Variants in GRID2 observed in about 807,000 individuals in gnomAD.
GRID2 encodes glutamate receptor ionotropic, delta-2.
GRID2 carries 33 observed loss-of-function variants against 114.8 expected under a neutral mutation model. The ratio of observed to expected loss-of-function variants is 0.29; its 90% confidence interval spans 0.22 to 0.38. The LOEUF (loss-of-function observed/expected upper bound fraction) is 0.38. Among genes scored for constraint, GRID2 ranks in the 10% least tolerant of loss-of-function variants. The pLI, the probability that GRID2 is intolerant of heterozygous loss-of-function variation, is 1.00. For synonymous variants in GRID2, 505 were observed against 449.9 expected (o/e 1.12, Z -1.55); for missense variants, 1,184 against 1,257.7 (o/e 0.94, Z 0.89).
At chr4:92,760,830 C>T (rs1012883826) in intron 2 of GRID2, among the ~76,000 whole-genome samples, 2 of 152,092 alleles carry the variant, frequency 1.3e-5, no homozygotes, top group South Asian at 2.1e-4. Context: ...TTTATTTGTT[C>T]TTTAAAAATA....
intron 2 of GRID2, among the ~76,000 whole-genome samples, chr4:92,916,294 A>G (rs530263932): frequency 1.3e-5 from 2 of 152,124 alleles, no homozygotes; most frequent in Non-Finnish European, 2.9e-5. Flanking sequence ...ATGGCTAGCC[A>G]GTTATCCCAA....
At chr4:92,825,336 A>G (rs976448963) in intron 2 of GRID2, among the ~76,000 whole-genome samples, 6 of 152,158 alleles carry the variant, frequency 3.9e-5, no homozygotes, top group South Asian at 2.1e-4. Context: ...TTCAGCCCCT[A>G]CTAAAACTCT....
rs1158448026 is a variant in GRID2 at position 92,667,496 on chromosome 4, T to C, written c.244+77210T>C. On this transcript the variant is annotated intron_variant, in intron 2 of 15. Transcript: ENST00000282020. ...CACATTATTTTTAATTTAAAGATAA[T>C]GACTACATTTACTATTTTCTGTTCA... 2.0e-5 allele frequency among the ~76,000 whole-genome samples: 3 copies of C among 151,788 alleles called. No homozygotes were observed. The East Asian group carries it at 5.8e-4, about 29-fold the overall frequency.
rs981167515 is a variant in GRID2, at chr4:93,025,552, A to G, written c.245-59443A>G. 2.6e-5 allele frequency among the ~76,000 whole-genome samples: 4 copies of G among 151,798 alleles called. No homozygotes were observed. In the South Asian group the frequency reaches 6.2e-4, roughly 24 times the overall value. ...GCTTAAAATGGATTTAAGCCAGGCA[A>G]TATGAGAGAATTTTTATGTAGATTA... On this transcript the variant is annotated intron_variant, in intron 2 of 15. Transcript: ENST00000282020.
chr4:93,121,082 ACT>A (rs1733740793), intron 4 of GRID2, among the ~76,000 whole-genome samples: 1 of 152,172 alleles, frequency 6.6e-6, no homozygotes, highest in African/African-American at 2.4e-5. Context: ...GTATCCCAGA[ACT>A]TAAAGTATAA....
intron 2 of GRID2, among the ~76,000 whole-genome samples, chr4:92,754,566 T>G (rs936161440): frequency 1.3e-5 from 2 of 152,174 alleles, no homozygotes; most frequent in South Asian, 4.1e-4. Context: ...GTTGTGGGGA[T>G]TAAATGAATT....
intron 14 of GRID2, among the ~76,000 whole-genome samples, chr4:93,696,014 C>T (rs1036640): frequency 0.44 from 66,393 of 152,078 alleles, 14,924 homozygotes; most frequent in East Asian, 0.72. Context: ...TCACAAAGAA[C>T]GTATTTACAC....
intron 8 of GRID2, among the ~76,000 whole-genome samples, chr4:93,322,308 G>A (rs892013395): frequency 2.0e-5 from 3 of 151,972 alleles, no homozygotes; most frequent in Non-Finnish European, 4.4e-5. Context: ...TTGGTTTTCT[G>A]TCCTTGCAAT....
chr4:93,604,974 A>G (rs2149648763), intron 13 of GRID2, among the ~76,000 whole-genome samples: 1 of 152,304 alleles, frequency 6.6e-6, no homozygotes, highest in Non-Finnish European at 1.5e-5. Context: ...ATTTGTTTTA[A>G]TGCTGTGGTC....
At chr4:93,189,476 A>G (rs1363207860) in intron 4 of GRID2, among the ~76,000 whole-genome samples, 2 of 152,132 alleles carry the variant, frequency 1.3e-5, no homozygotes, top group Non-Finnish European at 2.9e-5. Context: ...CCCATCTTCT[A>G]ATACCAGCAC....
intron 8 of GRID2, among the ~76,000 whole-genome samples, chr4:93,324,548 C>T (rs1579680660): frequency 6.6e-6 from 1 of 152,264 alleles, no homozygotes; most frequent in East Asian, 1.9e-4. Flanking sequence ...ATGCTGGCCT[C>T]ATAAAATGAG....
chr4:92,982,234 G>T (rs773097488), intron 2 of GRID2, among the ~76,000 whole-genome samples: 1 of 151,888 alleles, frequency 6.6e-6, no homozygotes, highest in Non-Finnish European at 1.5e-5. Context: ...ATTCAGAGTT[G>T]TCTACAGTAA....
intron 1 of GRID2, among the ~76,000 whole-genome samples, chr4:92,447,954 C>T (rs1029095546): frequency 2.6e-5 from 4 of 152,244 alleles, no homozygotes; most frequent in African/African-American, 7.2e-5. Flanking sequence ...TGCTGACTAG[C>T]TGAAGTGCTT....
intron 1 of GRID2, among the ~76,000 whole-genome samples, chr4:92,506,226 C>T (rs1560676914): frequency 2.6e-5 from 4 of 152,048 alleles, no homozygotes; most frequent in South Asian, 4.2e-4. Flanking sequence ...AGGCAACCAG[C>T]TTGATGCCAG....
At chr4:93,725,680 T>G (rs1235518792) in intron 14 of GRID2, among the ~76,000 whole-genome samples, 1 of 150,560 alleles carries the variant, frequency 6.6e-6, no homozygotes, top group Non-Finnish European at 1.5e-5. Flanking sequence ...CCATTCTAAC[T>G]GGTGTGAGAT....
rs190775871 is a variant in GRID2, at chr4:93,784,342, G to A, written c.221+14892G>A. Among the ~76,000 whole-genome samples the A allele has an allele frequency of 6.6e-5, 10 of 151,862 alleles. No homozygotes were observed. The East Asian group carries it at 1.9e-3, about 29-fold the overall frequency. On this transcript the variant is annotated intron_variant, in intron 1 of 1. Transcript: ENST00000637838. ...ATTTTTTTTCTGTGGTATTTCTATGGCCCACTAATTAATGACCAAGCGCCT... is the reference window on the plus strand; with the variant it reads ...ATTTTTTTTCTGTGGTATTTCTATGACCCACTAATTAATGACCAAGCGCCT...
intron 14 of GRID2, among the ~76,000 whole-genome samples, chr4:93,669,482 C>T (rs1724218419): frequency 7.3e-6 from 1 of 137,652 alleles, no homozygotes; most frequent in East Asian, 2.6e-4. Flanking sequence ...TGCTGAAATT[C>T]CTACATGTAC....
At chr4:92,796,073 C>G (rs1044961176) in intron 2 of GRID2, among the ~76,000 whole-genome samples, 1 of 151,874 alleles carries the variant, frequency 6.6e-6, no homozygotes, top group Non-Finnish European at 1.5e-5. Flanking sequence ...ATAATGATAT[C>G]ATCCTTAATA....
At position 93,238,435 on chromosome 4, in the gene GRID2, A is replaced by G. The variant is rs1747061086; in HGVS notation, c.1190A>G (p.His397Arg). 6.2e-7 allele frequency: 1 copy of G among 1,609,408 alleles called. No homozygotes were observed. The highest frequency in any genetic ancestry group is 8.5e-7 in the Non-Finnish European group (1 of 1,176,318). ...FGENGGNPNV[H>R]FEILGTNYGE... ...GAAAATGGAGGCAATCCCAATGTCC[A>G]CTTTGAAATCCTTGGAACCAACTAT... The change falls in exon 8 of 16, where the codon CAC becomes CGC. Residue 397 changes from histidine (H) to arginine (R), a missense_variant. Physicochemically the swap from His to Arg is conservative, Grantham distance 29. This residue lies in a region of GRID2 where 717 missense variants were observed against 796.9 expected (regional missense o/e 0.90). Coordinates refer to ENST00000282020, the MANE Select transcript of GRID2 (RefSeq NM_001510.4).
Sources: gnomAD v4.1 joint callset for allele counts (sites outside exome capture counted in the v4.1 genomes callset) on GRCh38, gnomAD v4.1.1 for gene constraint, gnomAD v4.1.1 regional missense constraint, MANE v1.5 for transcripts, NCBI Gene and HGNC (gene_info 2026-07-23, HGNC 2026-07-21) for gene names.